The following USP9X variants were observed in gnomAD, a reference collection of about 807,000 sequenced individuals.
The protein encoded by USP9X is ubiquitin carboxyl-terminal hydrolase 9X.
In USP9X, 7 loss-of-function variants were observed where a neutral mutation model predicts 190.3. The ratio of observed to expected loss-of-function variants is 0.04; its 90% CI spans 0.02 to 0.07. The LOEUF (loss-of-function observed/expected upper bound fraction) is 0.07, where lower values mean the gene tolerates loss of function less well. Ranked by LOEUF, USP9X falls within the 10% of genes least tolerant of loss-of-function variation. USP9X has a pLI of 1.00. For missense variants in USP9X, 1,010 were observed against 1,916.9 expected, an observed-to-expected ratio of 0.53 and a Z score of 8.83; for synonymous variants, 645 against 659.5, an observed-to-expected ratio of 0.98 and a Z score of 0.34.
intron 44 of USP9X, 83 bp from the exon 45 acceptor site, chrX:41,232,304 T>G: frequency 9.5e-7 from 1 of 1,050,469 alleles, no homozygotes. Flanking sequence ...AGAGTATACA[T>G]TTCCAGAGAC....
At chrX:41,153,136 A>G (rs1473376503) in intron 14 of USP9X, 55 bp downstream of exon 14, 2 of 1,085,818 alleles carry the variant, frequency 1.8e-6, no homozygotes, top group Non-Finnish European at 2.5e-6. Flanking sequence ...CTTTTTTTGC[A>G]TTAATTACCT....
intron 1 of USP9X, among the ~76,000 whole-genome samples, chrX:41,091,001 C>T (rs970830135): frequency 9.0e-6 from 1 of 111,173 alleles, no homozygotes; most frequent in East Asian, 2.8e-4. Flanking sequence ...ACAAATACTT[C>T]TGGGGCATCT....
chrX:41,164,072 C>T (rs779235950), intron 15 of USP9X, among the ~76,000 whole-genome samples: 28 of 110,880 alleles, frequency 2.5e-4, no homozygotes, highest in African/African-American at 9.2e-4. Flanking sequence ...GGGGTTTCAC[C>T]ATGTTGGCCA....
At chrX:41,175,944 TGCAGTGGC>T (rs1220771455) in intron 21 of USP9X, among the ~76,000 whole-genome samples, 1 of 108,509 alleles carries the variant, frequency 9.2e-6, no homozygotes, top group Non-Finnish European at 1.9e-5. Context: ...CAGGCTGGAG[TGCAGTGGC>T]GCAATCTCGG....
At chrX:41,096,474 G>A (rs988310016) in intron 1 of USP9X, among the ~76,000 whole-genome samples, 1 of 111,586 alleles carries the variant, frequency 9.0e-6, no homozygotes, top group African/African-American at 3.3e-5. Context: ...ACAGAGTCTC[G>A]CTCTGCCGCC....
chrX:41,133,672 ATGAG>A (rs2062344528), intron 4 of USP9X, among the ~76,000 whole-genome samples: 1 of 112,138 alleles, frequency 8.9e-6, no homozygotes, highest in South Asian at 3.6e-4. Flanking sequence ...GATCCTGCAA[ATGAG>A]TGAGCACATG....
intron 20 of USP9X, 172 bp from the exon 21 acceptor site, chrX:41,171,666 C>G (rs756280570): frequency 5.5e-5 from 31 of 559,997 alleles, no homozygotes; most frequent in Non-Finnish European, 7.8e-5. Flanking sequence ...TGTATTTGAT[C>G]TGCACTATTA....
At chrX:41,161,274 G>T (rs1439991878) in intron 14 of USP9X, among the ~76,000 whole-genome samples, 1 of 107,441 alleles carries the variant, frequency 9.3e-6, no homozygotes, top group African/African-American at 3.4e-5. Context: ...GAAGCAAATG[G>T]AGGAAGATGT....
At chrX:41,150,622 A>G (rs2062515743) in intron 12 of USP9X, among the ~76,000 whole-genome samples, 1 of 111,485 alleles carries the variant, frequency 9.0e-6, no homozygotes, top group South Asian at 3.7e-4. Context: ...GGAAAATGAA[A>G]CTTTCTGTCA....
chrX:41,197,540 C>CAT, intron 29 of USP9X, 30 bp downstream of exon 29: 1 of 1,165,162 alleles, frequency 8.6e-7, no homozygotes, highest in Non-Finnish European at 1.2e-6. Flanking sequence ...TTGTAAGCTA[C>CAT]ATATCATAAC....
intron 14 of USP9X, among the ~76,000 whole-genome samples, chrX:41,161,804 G>A (rs767311825): frequency 4.8e-5 from 5 of 104,760 alleles, no homozygotes; most frequent in Non-Finnish European, 7.8e-5. Context: ...GGCTGGTCTC[G>A]AACTCCTGGC....
chrX:41,185,848 C>T (rs1474533002), intron 23 of USP9X, among the ~76,000 whole-genome samples: 2 of 110,842 alleles, frequency 1.8e-5, no homozygotes, highest in African/African-American at 6.6e-5. Context: ...TACATAATAA[C>T]CTCTAATCTC....
At chrX:41,167,688 T>G (rs2062689911) in intron 17 of USP9X, 111 bp downstream of exon 17, 2 of 522,102 alleles carry the variant, frequency 3.8e-6, no homozygotes, top group African/African-American at 2.4e-5. Flanking sequence ...GTTAGTTGTC[T>G]TGAAGTGATT....
rs2063391792 is a variant in USP9X, at chrX:41,235,242, A to G, written c.*2718A>G. The G allele has an allele frequency of 8.9e-6, 1 of 112,162 alleles. No homozygotes were observed. Among genetic ancestry groups the G allele is most frequent in the South Asian group, 3.7e-4 (1 of 2,717 alleles). The allele number at this position is 112,162 out of a possible 1,213,427, so 9.2% of individuals were successfully genotyped here. On this transcript the variant is annotated 3_prime_UTR_variant, in exon 45 of 45. Transcript: ENST00000378308. ...GGAGTTATTTTTGTTTGTGCAAATT[A>G]TTTTCTATATTTAACTCAAGCATTA...
At chrX:41,118,723 C>T (rs1045163026) in intron 1 of USP9X, among the ~76,000 whole-genome samples, 4 of 111,664 alleles carry the variant, frequency 3.6e-5, no homozygotes, top group Non-Finnish European at 5.6e-5. Flanking sequence ...CTGATGAATC[C>T]ATCTCTTCCT....
chrX:41,135,136 A>C (rs1454029838), intron 5 of USP9X, among the ~76,000 whole-genome samples: 1 of 111,118 alleles, frequency 9.0e-6, no homozygotes, highest in African/African-American at 3.3e-5. Context: ...ATCAATTGTA[A>C]GGTACATCAC....
intron 17 of USP9X, 140 bp downstream of exon 17, chrX:41,167,717 CTA>C: frequency 4.4e-6 from 2 of 454,857 alleles, no homozygotes; most frequent in South Asian, 5.4e-5. Context: ...TTTAATATAA[CTA>C]TTTATTAGAT....
rs769548738 is a variant in USP9X at position 41,141,229 on chromosome X, A to C, written c.1022+12A>C. The C allele has an allele frequency of 5.9e-6, 7 of 1,191,630 alleles. No individual in the cohort carries two copies. The African/African-American group carries it at 1.2e-4, about 21-fold the overall frequency. On this transcript the variant is annotated intron_variant, in intron 8 of 44. Transcript: ENST00000378308. The stretch of plus-strand genomic sequence containing the variant: ...AAAATGATACTTAGGTAAGATACTT[A>C]CCTCTTGAAATAATTGTTAATGCCG...
At chrX:41,224,579 T>C (rs1473534565) in intron 39 of USP9X, among the ~76,000 whole-genome samples, 163 bp from the exon 40 acceptor site, 1 of 111,199 alleles carries the variant, frequency 9.0e-6, no homozygotes, top group African/African-American at 3.3e-5. Flanking sequence ...GCGGTTGCAG[T>C]GAGCTGAGAT....
Sources: gnomAD v4.1 joint callset for allele counts (sites outside exome capture counted in the v4.1 genomes callset) on GRCh38, gnomAD v4.1.1 for gene constraint, MANE v1.5 for transcripts, NCBI Gene and HGNC (gene_info 2026-07-23, HGNC 2026-07-21) for gene names.